ACBD6: variants seen among roughly 807,000 people sequenced by gnomAD.
The protein encoded by ACBD6 is acyl-CoA binding domain containing 6, also known as acyl-CoA-binding domain-containing protein 6.
In ACBD6, 28 loss-of-function variants were observed where a neutral mutation model predicts 37.2. That is an observed-to-expected ratio of 0.75 (90% CI 0.56 to 1.03). The LOEUF is 1.03. Ranked by LOEUF, ACBD6 falls within the 50% of genes least tolerant of loss-of-function variation. The probability of loss-of-function intolerance (pLI) is 0.00; values close to 1 mark genes in which losing one functional copy is unlikely to be tolerated. For missense variants in ACBD6, 340 were observed against 337.4 expected, an observed-to-expected ratio of 1.01 and a Z score of -0.06; for synonymous variants, 113 against 126.8, an observed-to-expected ratio of 0.89 and a Z score of 0.73.
At chr1:180,435,249 CA>C in intron 3 of ACBD6, 3 of 649,648 alleles carry the variant, frequency 4.6e-6, no homozygotes, top group Non-Finnish European at 8.8e-6. Context: ...GGCCGGCTAC[CA>C]GATGCATTTT....
At position 180,289,038 on chromosome 1, in the gene ACBD6, T is replaced by TA. The variant is rs11353397; in HGVS notation, c.695-522dup. Among the ~76,000 whole-genome samples, 253 of 102,930 alleles carry TA rather than the reference T, an allele frequency of 2.5e-3. 3 individuals are homozygous for TA. The highest frequency in any genetic ancestry group is 6.8e-3 in the South Asian group (21 of 3,078). The allele number at this position is 102,930 out of a possible 152,430, so 67.5% of individuals were successfully genotyped here. On this transcript the variant is annotated intron_variant, in intron 7 of 7. Coordinates refer to ENST00000367595, the MANE Select transcript of ACBD6 (RefSeq NM_032360.4). ...AATCAGACCATTCTTCTACAGGAACTAAAAAAAAAAAAAAAAAAAGGCACC... is the reference window on the plus strand; with the variant it reads ...AATCAGACCATTCTTCTACAGGAACTAAAAAAAAAAAAAAAAAAAAGGCACC...
chr1:180,311,999 T>C (rs1175805123), intron 7 of ACBD6, among the ~76,000 whole-genome samples: 1 of 152,218 alleles, frequency 6.6e-6, no homozygotes, highest in East Asian at 1.9e-4. Flanking sequence ...TAAGATAACA[T>C]CTTGATATTT....
chr1:180,466,071 A>T (rs576435287), intron 3 of ACBD6, among the ~76,000 whole-genome samples: 108 of 152,290 alleles, frequency 7.1e-4, no homozygotes, highest in Admixed American at 2.4e-3. Context: ...GTGATGTAAT[A>T]ATATGTACAA....
rs574390212 is a variant in ACBD6, at chr1:180,271,466, C to T, written c.*1759G>A. 2.8e-5 allele frequency: 45 copies of T among 1,614,182 alleles called. No homozygotes were observed. In the South Asian group the frequency reaches 4.2e-4, roughly 15 times the overall value. ...ATTAAAGAATGCATACAAGAACTCC[C>T]CCAAGCCTGCCCGGCACGTGAGGGA... On this transcript the variant is annotated 3_prime_UTR_variant, in exon 14 of 14. Coordinates refer to the ACBD6 transcript ENST00000642319.
intron 6 of ACBD6, among the ~76,000 whole-genome samples, chr1:180,364,659 A>G (rs1652979724): frequency 6.6e-6 from 1 of 152,008 alleles, no homozygotes; most frequent in Non-Finnish European, 1.5e-5. Flanking sequence ...TGGCTTAACC[A>G]TCTTTTGGAA....
chr1:180,311,994 T>C (rs992397959), intron 7 of ACBD6, among the ~76,000 whole-genome samples: 1 of 152,222 alleles, frequency 6.6e-6, no homozygotes, highest in African/African-American at 2.4e-5. Flanking sequence ...AGCTGTAAGA[T>C]AACATCTTGA....
intron 4 of ACBD6, among the ~76,000 whole-genome samples, chr1:180,414,857 GA>G (rs1486449424): frequency 6.6e-6 from 1 of 152,144 alleles, no homozygotes; most frequent in Non-Finnish European, 1.5e-5. Context: ...ATTCTGTAAA[GA>G]AAATAAGAAG....
At chr1:180,346,775 G>A (rs1055112235) in intron 6 of ACBD6, among the ~76,000 whole-genome samples, 13 of 152,180 alleles carry the variant, frequency 8.5e-5, no homozygotes, top group African/African-American at 2.9e-4. Context: ...GGTAGCTCAT[G>A]CCTGTAATCC....
chr1:180,420,972 A>G (rs1347604742), intron 4 of ACBD6, among the ~76,000 whole-genome samples: 1 of 151,986 alleles, frequency 6.6e-6, no homozygotes, highest in Non-Finnish European at 1.5e-5. Flanking sequence ...TTCTGTCTAC[A>G]TTAAACACCT....
At chr1:180,431,396 T>C (rs1214573033) in intron 3 of ACBD6, among the ~76,000 whole-genome samples, 1 of 150,492 alleles carries the variant, frequency 6.6e-6, no homozygotes, top group Non-Finnish European at 1.5e-5. Context: ...GTATATAAAG[T>C]GTATTAGTAT....
At chr1:180,419,506 G>A (rs945545702) in intron 4 of ACBD6, among the ~76,000 whole-genome samples, 2 of 152,160 alleles carry the variant, frequency 1.3e-5, no homozygotes, top group African/African-American at 4.8e-5. Context: ...CTAGTGAAAT[G>A]ACCAAAGGAA....
intron 7 of ACBD6, among the ~76,000 whole-genome samples, chr1:180,297,910 G>A (rs1649985978): frequency 6.6e-6 from 1 of 152,020 alleles, no homozygotes; most frequent in Admixed American, 6.6e-5. Context: ...ACAGCTAATT[G>A]TTTTTGTATT....
At chr1:180,277,119 G>GCAAA (rs371472641) in intron 9 of ACBD6, 1 of 145,600 alleles carries the variant, frequency 6.9e-6, no homozygotes, top group African/African-American at 2.8e-5. Flanking sequence ...CCAGAAAGCA[G>GCAAA]CAAACACTGC....
intron 5 of ACBD6, among the ~76,000 whole-genome samples, chr1:180,402,599 T>A (rs570915897): frequency 6.6e-6 from 1 of 152,124 alleles, no homozygotes. Flanking sequence ...CGGGCAAGTA[T>A]GAGACCAGCC....
intron 3 of ACBD6, among the ~76,000 whole-genome samples, chr1:180,431,156 TG>T (rs1373429541): frequency 6.7e-6 from 1 of 148,910 alleles, no homozygotes; most frequent in Non-Finnish European, 1.5e-5. Flanking sequence ...GTACGAGTTT[TG>T]TTTTGTTTTT....
chr1:180,415,313 C>T (rs1648041071), intron 4 of ACBD6, among the ~76,000 whole-genome samples: 1 of 151,790 alleles, frequency 6.6e-6, no homozygotes, highest in South Asian at 2.1e-4. Flanking sequence ...AGGAGAATCA[C>T]TTGAACCCAG....
intron 6 of ACBD6, among the ~76,000 whole-genome samples, chr1:180,328,008 C>A (rs1407735075): frequency 1.3e-5 from 2 of 152,196 alleles, no homozygotes; most frequent in Middle Eastern, 3.4e-3. Context: ...ATATAGTATG[C>A]TTTTATTCTA....
At chr1:180,305,802 T>C (rs528148107) in intron 7 of ACBD6, among the ~76,000 whole-genome samples, 8 of 152,162 alleles carry the variant, frequency 5.3e-5, no homozygotes, top group South Asian at 4.2e-4. Flanking sequence ...CACATGCACA[T>C]GTATGTTTAT....
chr1:180,281,329 G>A (rs1434046525), exon 9 of ACBD6: 2 of 152,218 alleles, frequency 1.3e-5, no homozygotes, highest in African/African-American at 4.8e-5. Flanking sequence ...TGGAAGCTCC[G>A]CAGTCGGTGT....
Sources: gnomAD v4.1 joint callset for allele counts (sites outside exome capture counted in the v4.1 genomes callset) on GRCh38, gnomAD v4.1.1 for gene constraint, MANE v1.5 for transcripts, NCBI Gene and HGNC (gene_info 2026-07-23, HGNC 2026-07-21) for gene names.